The following DEAF1 variants were observed in gnomAD, a reference collection of about 807,000 sequenced individuals.
The protein encoded by DEAF1 is DEAF1 transcription factor.
A neutral mutation model predicts 58.9 loss-of-function variants in DEAF1; 53 were observed. The observed-to-expected ratio is 0.90, with a 90% CI of 0.72 to 1.13. The LOEUF (loss-of-function observed/expected upper bound fraction) is 1.13, where lower values mean the gene tolerates loss of function less well. DEAF1 is among the 50% of genes most tolerant of loss of function. DEAF1 has a pLI of 0.00. For synonymous variants in DEAF1, 385 were observed against 340.4 expected (o/e 1.13, Z -1.44); for missense variants, 685 against 791.4 (o/e 0.87, Z 1.61).
At chr11:661,937 G>A (rs1859337541) in intron 10 of DEAF1, among the ~76,000 whole-genome samples, 1 of 152,144 alleles carries the variant, frequency 6.6e-6, no homozygotes, top group South Asian at 2.1e-4. Context: ...CCAACCCACA[G>A]CCCGCGGGCT....
chr11:654,694 C>G (rs1408431467), intron 10 of DEAF1: 1 of 450,046 alleles, frequency 2.2e-6, no homozygotes, highest in Non-Finnish European at 4.5e-6. Flanking sequence ...CGTTGCGAAA[C>G]CCAGTCTCTA....
At chr11:670,771 G>GTTTT (rs199899292) in intron 10 of DEAF1, among the ~76,000 whole-genome samples, 153 of 45,284 alleles carry the variant, frequency 3.4e-3, no homozygotes, top group African/African-American at 0.011. Flanking sequence ...TTTTCTTTTT[G>GTTTT]TTTTTGTTTT....
chr11:650,826 T>C (rs1858731917), intron 11 of DEAF1, among the ~76,000 whole-genome samples: 1 of 151,990 alleles, frequency 6.6e-6, no homozygotes, highest in Non-Finnish European at 1.5e-5. Context: ...GTGGGGCGTG[T>C]ATCTGTAGAG....
chr11:649,146 G>A (rs1236310663), intron 11 of DEAF1, among the ~76,000 whole-genome samples: 1 of 152,180 alleles, frequency 6.6e-6, no homozygotes, highest in East Asian at 1.9e-4. Context: ...AACTACTTGG[G>A]AGGCTGAGGC....
chr11:695,007 G>A lies in DEAF1; in HGVS notation c.41C>T (p.Ala14Val). 1 of 1,316,468 alleles carries A rather than the reference G, an allele frequency of 7.6e-7. No homozygotes were observed. 81.5% of individuals were successfully genotyped at this position (1,316,468 alleles called of 1,614,324 possible). The change falls in exon 1 of 12, where the codon GCT (alanine) becomes GTT (valine). Residue 14 changes from alanine (A) to valine (V), a missense_variant. Coordinates refer to ENST00000382409, the MANE Select transcript of DEAF1 (RefSeq NM_021008.4). Reference sequence around the variant, plus strand: ...CGCGGCCGCCACCGCCGCCGCCTCAGCCAGGCCCAGCTGCTTTGCCGCCGA... The same window carrying A: ...CGCGGCCGCCACCGCCGCCGCCTCAACCAGGCCCAGCTGCTTTGCCGCCGA... The part of the protein sequence containing the change: ...SDSAAKQLGL[A>V]EAAAVAAAAA...
intron 10 of DEAF1, among the ~76,000 whole-genome samples, chr11:663,089 A>G (rs1294539511): frequency 1.3e-5 from 2 of 152,196 alleles, no homozygotes; most frequent in South Asian, 2.1e-4. Context: ...GACTGGGCGA[A>G]TATCTTGAGA....
rs1858383621 is a variant in DEAF1 at position 644,462 on chromosome 11, C to T, written c.*88G>A. On this transcript the variant is annotated 3_prime_UTR_variant, in exon 12 of 12. Transcript: ENST00000382409. This position sits in a 1 kb window ranked among gnomAD's most constrained non-coding sequence, Gnocchi z 4.3. Reference sequence around the variant, plus strand: ...CTTCCCACACCCCTCTTCTCAACGTCCCCCCAGAGTCCTCAGGGGGGCCTT... The same window carrying T: ...CTTCCCACACCCCTCTTCTCAACGTTCCCCCAGAGTCCTCAGGGGGGCCTT... 1.0e-6 allele frequency: 1 copy of T among 959,190 alleles called. No homozygotes were observed. The highest frequency in any genetic ancestry group is 1.6e-6 in the Non-Finnish European group (1 of 612,960). 59.4% of individuals were successfully genotyped at this position (959,190 alleles called of 1,614,324 possible). A position where few individuals can be genotyped will look rare whatever the true frequency, so the allele number is the denominator to read the frequency against.
intron 9 of DEAF1, 147 bp downstream of exon 9, chr11:678,547 G>C: frequency 8.7e-7 from 1 of 1,148,594 alleles, no homozygotes; most frequent in Admixed American, 1.7e-5. Flanking sequence ...CATAGGCAGT[G>C]GGCCACACTT....
At chr11:672,047 T>C (rs1333192388) in intron 10 of DEAF1, among the ~76,000 whole-genome samples, 1 of 152,142 alleles carries the variant, frequency 6.6e-6, no homozygotes, top group African/African-American at 2.4e-5. Flanking sequence ...GTGGTGTTGC[T>C]GGTGTTTGGA....
intron 6 of DEAF1, among the ~76,000 whole-genome samples, chr11:684,429 AAG>A (rs1860500030): frequency 6.6e-6 from 1 of 152,168 alleles, no homozygotes; most frequent in Admixed American, 6.5e-5. Context: ...GAAAAAAAAA[AAG>A]AAAGAAAAAT....
chr11:670,777 GT>G (rs1250514235), intron 10 of DEAF1, among the ~76,000 whole-genome samples: 27 of 18,972 alleles, frequency 1.4e-3, no homozygotes, highest in Admixed American at 9.2e-3. Flanking sequence ...TTTTGTTTTT[GT>G]TTTTTTTTTT....
chr11:687,377 C>T (rs755869477), intron 4 of DEAF1, among the ~76,000 whole-genome samples: 8 of 152,268 alleles, frequency 5.3e-5, no homozygotes, highest in African/African-American at 1.9e-4. Context: ...CCGTGGGTCA[C>T]GATGGCTTTT....
At chr11:701,969 T>C (rs2133472413) in intron 1 of DEAF1, among the ~76,000 whole-genome samples, 1 of 152,314 alleles carries the variant, frequency 6.6e-6, no homozygotes, top group Admixed American at 6.5e-5. Flanking sequence ...CATGTGCACC[T>C]AAACACACGT....
At chr11:695,951 C>G, upstream of DEAF1, 6 of 913,722 alleles carry the variant, frequency 6.6e-6, no homozygotes, top group Non-Finnish European at 8.6e-6. Flanking sequence ...CGGGGCCGTG[C>G]CACCGTCTCT....
In DEAF1 at chr11:704,535, C is replaced by T. The variant is rs537877180; in HGVS notation, c.-438+2037G>A. 4.2e-4 allele frequency: 541 copies of T among 1,289,456 alleles called. No individual in the cohort carries two copies. The highest frequency in any genetic ancestry group is 1.1e-3 in the South Asian group (91 of 81,032). The allele number at this position is 1,289,456 out of a possible 1,614,324, so 79.9% of individuals were successfully genotyped here. On this transcript the variant is annotated intron_variant, in intron 1 of 11. Transcript: ENST00000683307. ...CACCTCCCTCACCAGCGCCTGCACTCGCAGAAGACCAGCTGGGCACACCTG... is the reference window on the plus strand; with the variant it reads ...CACCTCCCTCACCAGCGCCTGCACTTGCAGAAGACCAGCTGGGCACACCTG...
chr11:668,921 A>G (rs573143038), intron 10 of DEAF1, among the ~76,000 whole-genome samples: 6 of 151,948 alleles, frequency 3.9e-5, no homozygotes, highest in Admixed American at 6.6e-5. Context: ...TGCCTCCTGG[A>G]TTCATGCCAT....
At chr11:678,542 G>T in intron 9 of DEAF1, 152 bp downstream of exon 9, 1 of 1,086,034 alleles carries the variant, frequency 9.2e-7, no homozygotes, top group Non-Finnish European at 1.4e-6. Context: ...ACAAACATAG[G>T]CAGTGGGCCA....
intron 1 of DEAF1, among the ~76,000 whole-genome samples, chr11:693,004 G>A (rs532220738): frequency 1.3e-5 from 2 of 152,328 alleles, no homozygotes; most frequent in South Asian, 2.1e-4. Context: ...TGGCAGCCCT[G>A]GGAGCAGCCG....
rs531677545 is a variant in DEAF1, at chr11:644,343, G to A, written c.*207C>T. On this transcript the variant is annotated 3_prime_UTR_variant, in exon 12 of 12. Coordinates refer to ENST00000382409, the MANE Select transcript of DEAF1 (RefSeq NM_021008.4). The surrounding 1 kb of genome is among the most constrained non-coding windows in gnomAD (Gnocchi z 4.3). ...GATCCCAGGGATAAAAAATCTGTCC[G>A]CGAGCGGGCAGGGGGCCCGGGCAGG... The A allele has an allele frequency of 1.5e-4, 94 of 622,664 alleles. No individual in the cohort carries two copies. The South Asian group carries it at 1.5e-3, about 10-fold the overall frequency. 38.6% of individuals were successfully genotyped at this position (622,664 alleles called of 1,614,324 possible).
Sources: gnomAD v4.1 joint callset for allele counts (sites outside exome capture counted in the v4.1 genomes callset) on GRCh38, gnomAD v4.1.1 for gene constraint, Gnocchi (gnomAD v3.1) non-coding constraint, MANE v1.5 for transcripts, NCBI Gene and HGNC (gene_info 2026-07-23, HGNC 2026-07-21) for gene names.